Variants in SSH2 observed in about 807,000 individuals in gnomAD.
SSH2 encodes protein phosphatase Slingshot homolog 2.
Under a neutral mutation model 135.2 loss-of-function variants are expected in SSH2, and 37 were observed. The observed-to-expected ratio is 0.27, with a 90% CI of 0.21 to 0.36. SSH2 has a LOEUF of 0.36. Ranked by LOEUF, SSH2 falls within the 10% of genes least tolerant of loss-of-function variation. SSH2 has a pLI of 1.00. For synonymous variants in SSH2, 628 were observed against 646.2 expected (o/e 0.97, Z 0.43); for missense variants, 1,408 against 1,765.3 (o/e 0.80, Z 3.63).
At chr17:29,642,081 G>A (rs557394692) in intron 14 of SSH2, among the ~76,000 whole-genome samples, 3 of 151,930 alleles carry the variant, frequency 2.0e-5, no homozygotes, top group East Asian at 1.9e-4. Flanking sequence ...GATGTGCATC[G>A]CCCAAGATGC....
In SSH2 at chr17:29,627,227, CT is replaced by C. The variant is rs1286921186; in HGVS notation, c.*3613del. On this transcript the variant is annotated 3_prime_UTR_variant, in exon 16 of 16. Transcript: ENST00000540801. ...ATAGTCCAAAAAAGCCAAAGAATGG[CT>C]TTACTTAAAAATTTTTAAATGCCCT... 5 of 152,596 alleles carry C rather than the reference CT, an allele frequency of 3.3e-5. No homozygotes were observed. The highest frequency in any genetic ancestry group is 7.4e-5 in the Non-Finnish European group (5 of 68,026). The allele number at this position is 152,596 out of a possible 1,614,324, so 9.5% of individuals were successfully genotyped here. A position where few individuals can be genotyped will look rare whatever the true frequency, so the allele number is the denominator to read the frequency against.
chr17:29,866,314 T>C (rs574222174), intron 1 of SSH2, among the ~76,000 whole-genome samples: 3 of 151,922 alleles, frequency 2.0e-5, no homozygotes, highest in African/African-American at 7.2e-5. Context: ...ATAGCAAAAC[T>C]ACCAAAAGCA....
At chr17:29,761,364 G>C (rs2041295615) in intron 3 of SSH2, 1 of 1,073,644 alleles carries the variant, frequency 9.3e-7, no homozygotes, top group Admixed American at 5.9e-5. Context: ...CCCGGCGGCG[G>C]AGGCGGGCCC....
At chr17:29,847,466 C>T (rs1020008011) in intron 2 of SSH2, among the ~76,000 whole-genome samples, 3 of 152,058 alleles carry the variant, frequency 2.0e-5, no homozygotes, top group Non-Finnish European at 2.9e-5. Flanking sequence ...TTTTTGTAGC[C>T]GACCCCCTCA....
intron 1 of SSH2, among the ~76,000 whole-genome samples, chr17:29,914,401 AT>A (rs1461084926): frequency 6.6e-6 from 1 of 151,956 alleles, no homozygotes; most frequent in East Asian, 1.9e-4. Context: ...CTCTAAAAAA[AT>A]AATAATAAAA....
chr17:29,913,353 TATATATATA>T (rs2066815917), intron 1 of SSH2, among the ~76,000 whole-genome samples: 4 of 28,594 alleles, frequency 1.4e-4, no homozygotes, highest in Non-Finnish European at 2.1e-4. Flanking sequence ...AAAAAATATA[TATATATATA>T]TATATATATA....
At chr17:29,709,015 T>TATATATATATATATATATATATAGAG (rs780981175) in intron 3 of SSH2, among the ~76,000 whole-genome samples, 1 of 81,588 alleles carries the variant, frequency 1.2e-5, no homozygotes, top group African/African-American at 4.1e-5. Context: ...TATATATATA[T>TATATATATATATATATATATATAGAG]AGAGAGAGAG....
At chr17:29,658,163 C>T (rs1190109046) in intron 11 of SSH2, among the ~76,000 whole-genome samples, 2 of 151,888 alleles carry the variant, frequency 1.3e-5, no homozygotes, top group African/African-American at 2.4e-5. Context: ...ACCACCACAC[C>T]CAGCTAGTTT....
rs1429728165 is a variant in SSH2 at position 29,801,224 on chromosome 17, TA to T, written c.145-7288del. On this transcript the variant is annotated intron_variant, in intron 2 of 15. Coordinates refer to ENST00000540801, the MANE Select transcript of SSH2 (RefSeq NM_001282129.2). ...TATTAATCTGTTTACTACCTGATCATAAAAACAGGTCACTAAATAAAATATG... is the reference window on the plus strand; with the variant it reads ...TATTAATCTGTTTACTACCTGATCATAAAACAGGTCACTAAATAAAATATG... Among the ~76,000 whole-genome samples, 12 of 152,264 alleles carry T rather than the reference TA, an allele frequency of 7.9e-5. No individual in the cohort carries two copies. In the East Asian group the frequency reaches 1.9e-3, roughly 24 times the overall value.
At chr17:29,720,171 T>C (rs919140226) in intron 3 of SSH2, among the ~76,000 whole-genome samples, 2 of 152,248 alleles carry the variant, frequency 1.3e-5, no homozygotes, top group South Asian at 2.1e-4. Context: ...AGTCCCATTG[T>C]AGTGTTATCC....
rs550881670 is a variant in SSH2, at chr17:29,900,263, A to G, written c.63+29675T>C. ...TAAAACACCAAAAGCAATGGCAACA[A>G]AAGCCAAAATAGACAAATGGGATCT... is the stretch of plus-strand genomic sequence containing the variant. On this transcript the variant is annotated intron_variant, in intron 1 of 15. Coordinates refer to ENST00000540801, the MANE Select transcript of SSH2 (RefSeq NM_001282129.2). Among the ~76,000 whole-genome samples, 5 of 152,216 alleles carry G rather than the reference A, an allele frequency of 3.3e-5. No individual in the cohort carries two copies. The East Asian group carries it at 9.6e-4, about 29-fold the overall frequency.
At chr17:29,805,153 A>G (rs2042318697) in intron 2 of SSH2, among the ~76,000 whole-genome samples, 1 of 149,380 alleles carries the variant, frequency 6.7e-6, no homozygotes, top group Non-Finnish European at 1.5e-5. Flanking sequence ...TATTATTAAT[A>G]TTATTATTAT....
intron 3 of SSH2, among the ~76,000 whole-genome samples, chr17:29,733,373 T>C (rs1051081066): frequency 6.6e-5 from 10 of 152,234 alleles, no homozygotes; most frequent in African/African-American, 1.4e-4. Flanking sequence ...ATTAAACATA[T>C]TGAAAGAATG....
intron 3 of SSH2, among the ~76,000 whole-genome samples, chr17:29,740,548 T>G (rs1472127316): frequency 6.6e-6 from 1 of 152,166 alleles, no homozygotes; most frequent in Non-Finnish European, 1.5e-5. Context: ...ATGCATACTT[T>G]TCTCTTTTCT....
chr17:29,743,899 CTTTTTTCCTTTTTTTTTTTTTTTTTTTT>C (rs1365648931), intron 3 of SSH2, among the ~76,000 whole-genome samples: 7 of 96,634 alleles, frequency 7.2e-5, no homozygotes, highest in African/African-American at 3.0e-4. Context: ...TTTCTTTTTT[CTTTTTTCCTTTTTTTTTTTTTTTTTTTT>C]TTTTACAAAA....
Position 29,883,983 on chromosome 17 carries a change from C to CAT in SSH2, c.64-35056_64-35055dup, listed in dbSNP as rs199508999. On this transcript the variant is annotated intron_variant, in intron 1 of 15. Coordinates refer to ENST00000540801, the MANE Select transcript of SSH2 (RefSeq NM_001282129.2). ...TCTATTTTTACTGTTTCTTTACATA[C>CAT]ATATATATATGATGAGTGAGAGAGG... 7.4e-3 allele frequency among the ~76,000 whole-genome samples: 1,131 copies of CAT among 152,130 alleles called. 11 individuals are homozygous for CAT. Among genetic ancestry groups the CAT allele is most frequent in the African/African-American group, 0.022 (928 of 41,492 alleles).
At chr17:29,815,948 A>T (rs2042551406) in intron 2 of SSH2, among the ~76,000 whole-genome samples, 1 of 151,996 alleles carries the variant, frequency 6.6e-6, no homozygotes, top group Non-Finnish European at 1.5e-5. Flanking sequence ...TCCCAAGTTC[A>T]AGCAAATCTC....
intron 1 of SSH2, among the ~76,000 whole-genome samples, chr17:29,877,831 G>A (rs140925919): frequency 7.0e-4 from 106 of 152,036 alleles, no homozygotes; most frequent in Middle Eastern, 3.4e-3. Context: ...GTTCACATCT[G>A]TAATCCCAGC....
intron 3 of SSH2, among the ~76,000 whole-genome samples, chr17:29,769,572 A>G (rs950988246): frequency 6.6e-6 from 1 of 152,182 alleles, no homozygotes; most frequent in Non-Finnish European, 1.5e-5. Context: ...TTTTTACACA[A>G]CATCCTACAT....
Sources: gnomAD v4.1 joint callset for allele counts (sites outside exome capture counted in the v4.1 genomes callset) on GRCh38, gnomAD v4.1.1 for gene constraint, MANE v1.5 for transcripts, NCBI Gene and HGNC (gene_info 2026-07-23, HGNC 2026-07-21) for gene names.